PNPT1: variants seen among roughly 807,000 people sequenced by gnomAD.
The protein encoded by PNPT1 is polyribonucleotide nucleotidyltransferase 1.
A neutral mutation model predicts 119.5 loss-of-function variants in PNPT1; 53 were observed. That is an observed-to-expected ratio of 0.44 (90% CI 0.36 to 0.56). PNPT1 has a LOEUF of 0.56. Ranked by LOEUF, PNPT1 falls within the 20% of genes least tolerant of loss-of-function variation. PNPT1 has a pLI of 0.00. For synonymous variants in PNPT1, 357 were observed against 322.1 expected (o/e 1.11, Z -1.16); for missense variants, 948 against 938.5 (o/e 1.01, Z -0.13).
intron 3 of PNPT1, among the ~76,000 whole-genome samples, chr2:55,685,328 C>A (rs549039828): frequency 1.5e-4 from 23 of 152,278 alleles, no homozygotes; most frequent in African/African-American, 5.5e-4. Context: ...GGTTTTAGAA[C>A]TGCCTGGGTA....
At chr2:55,644,882 T>A in intron 22 of PNPT1, 162 bp from the exon 23 acceptor site, 1 of 473,838 alleles carries the variant, frequency 2.1e-6, no homozygotes, top group Non-Finnish European at 3.7e-6. Context: ...TGAAAACTGT[T>A]AAAGAATATT....
chr2:55,676,262 C>CAAAAAAAAAA (rs11400030), intron 8 of PNPT1, among the ~76,000 whole-genome samples: 4 of 82,844 alleles, frequency 4.8e-5, no homozygotes, highest in Non-Finnish European at 4.3e-5. Flanking sequence ...CCATCTCAAC[C>CAAAAAAAAAA]AAAAAAAAAA....
Position 55,647,426 on chromosome 2 carries a change from C to A in PNPT1, c.1523G>T (p.Gly508Val). The change falls in exon 19 of 28, where the codon GGC becomes GTC. Residue 508 changes from glycine to valine, a missense_variant. Physicochemically the swap from Gly to Val is moderately radical, Grantham distance 109. Coordinates refer to ENST00000447944, the MANE Select transcript of PNPT1 (RefSeq NM_033109.5). ...SGVPISSAVA[G>V]VAIGLVTKTD... ...TTTGGTGACCAATCCTATTGCTACG[C>A]CTGCAACAGCAGATGAAATTGGAAC... 2 of 1,608,596 alleles carry A rather than the reference C, an allele frequency of 1.2e-6. No individual in the cohort carries two copies. Among genetic ancestry groups the A allele is most frequent in the Non-Finnish European group, 1.7e-6 (2 of 1,176,538 alleles).
At chr2:55,641,680 T>C (rs954503957) in intron 25 of PNPT1, among the ~76,000 whole-genome samples, 2 of 152,206 alleles carry the variant, frequency 1.3e-5, no homozygotes, top group Admixed American at 6.5e-5. Context: ...ATTTTTCACC[T>C]GCAATATTAA....
At chr2:55,667,995 CT>C (rs897349435) in intron 11 of PNPT1, 37 bp from the exon 12 acceptor site, 2 of 1,525,996 alleles carry the variant, frequency 1.3e-6, no homozygotes, top group Non-Finnish European at 1.8e-6. Flanking sequence ...AAGATTTTTA[CT>C]TTTTTAGGAG....
intron 8 of PNPT1, among the ~76,000 whole-genome samples, chr2:55,674,186 A>T (rs1366031548): frequency 1.3e-5 from 2 of 152,254 alleles, no homozygotes; most frequent in Non-Finnish European, 2.9e-5. Flanking sequence ...GAATAATAGA[A>T]TTTTTTCTAT....
intron 25 of PNPT1, among the ~76,000 whole-genome samples, chr2:55,642,934 T>G (rs1010816761): frequency 6.6e-6 from 1 of 152,024 alleles, no homozygotes; most frequent in African/African-American, 2.4e-5. Context: ...CTGGGCAACA[T>G]AGTGAGACCA....
chr2:55,681,069 G>C (rs573347655), intron 5 of PNPT1, 151 bp from the exon 6 acceptor site: 8 of 652,558 alleles, frequency 1.2e-5, no homozygotes, highest in African/African-American at 1.8e-5. Flanking sequence ...CTTGACATTG[G>C]ATAAATTACT....
intron 15 of PNPT1, among the ~76,000 whole-genome samples, chr2:55,657,545 G>A (rs1255068292): frequency 6.6e-6 from 1 of 151,316 alleles, no homozygotes; most frequent in African/African-American, 2.4e-5. Context: ...GCACCACCAT[G>A]CCCAGCTAAT....
At chr2:55,683,070 A>T (rs1697297469) in intron 5 of PNPT1, among the ~76,000 whole-genome samples, 1 of 152,226 alleles carries the variant, frequency 6.6e-6, no homozygotes, top group Admixed American at 6.5e-5. Context: ...GTATTAAAAT[A>T]TAATAAAGTA....
chr2:55,677,242 A>T (rs1022009741), intron 8 of PNPT1, among the ~76,000 whole-genome samples: 2 of 152,242 alleles, frequency 1.3e-5, no homozygotes, highest in Non-Finnish European at 2.9e-5. Flanking sequence ...ACAGGTGAGA[A>T]GAGCCAGCTG....
chr2:55,658,516 C>T (rs954943008), intron 15 of PNPT1, among the ~76,000 whole-genome samples: 3 of 152,138 alleles, frequency 2.0e-5, no homozygotes, highest in Non-Finnish European at 4.4e-5. Flanking sequence ...ATACAGTTTT[C>T]AGTACCTATG....
rs1697225744 is a variant in PNPT1, at chr2:55,680,843, T to C, written c.517+12A>G. ...TTAATCTGATAATTTTAATCTCTACTTTTATACTTACCGCCATTAATTGCT... is the reference window on the plus strand; with the variant it reads ...TTAATCTGATAATTTTAATCTCTACCTTTATACTTACCGCCATTAATTGCT... On this transcript the variant is annotated intron_variant, in intron 6 of 27. Coordinates refer to ENST00000447944, the MANE Select transcript of PNPT1 (RefSeq NM_033109.5). The C allele has an allele frequency of 6.2e-7, 1 of 1,613,290 alleles. No individual in the cohort carries two copies. The highest frequency in any genetic ancestry group is 1.7e-5 in the Admixed American group (1 of 60,002).
intron 1 of PNPT1, 30 bp from the exon 2 acceptor site, chr2:55,687,735 A>T: frequency 6.6e-7 from 1 of 1,511,156 alleles, no homozygotes; most frequent in Non-Finnish European, 9.0e-7. Context: ...CAATACAAGA[A>T]GACTTAGGTC....
chr2:55,649,274 A>AT (rs1160441841), intron 18 of PNPT1, among the ~76,000 whole-genome samples: 1 of 152,186 alleles, frequency 6.6e-6, no homozygotes, highest in Non-Finnish European at 1.5e-5. Flanking sequence ...CCTCATCTCT[A>AT]TAAATAATAA....
At chr2:55,646,824 A>C (rs1008561994) in intron 19 of PNPT1, among the ~76,000 whole-genome samples, 8 of 152,076 alleles carry the variant, frequency 5.3e-5, no homozygotes, top group African/African-American at 1.7e-4. Context: ...TTTTTAAAGT[A>C]ATCATTTTAT....
At position 55,673,095 on chromosome 2, in the gene PNPT1, A is replaced by G. The variant is rs1165984208; in HGVS notation, c.680-16T>C. ...TCCAACATGACTATTTAAAGGAAAA[A>G]GAAAAAAAAAATGACTGCCATCGAA... On this transcript the variant is annotated splice_polypyrimidine_tract_variant and intron_variant, in intron 8 of 27. Coordinates refer to ENST00000447944, the MANE Select transcript of PNPT1 (RefSeq NM_033109.5). 1 of 1,532,388 alleles carries G rather than the reference A, an allele frequency of 6.5e-7. No individual in the cohort carries two copies. 94.9% of individuals were successfully genotyped at this position (1,532,388 alleles called of 1,614,324 possible).
At chr2:55,667,178 A>C (rs1572818600) in intron 12 of PNPT1, 85 bp from the exon 13 acceptor site, 1 of 985,032 alleles carries the variant, frequency 1.0e-6, no homozygotes, top group Admixed American at 2.1e-5. Flanking sequence ...GAAGTTCTCA[A>C]CCTCAGTTGT....
At chr2:55,650,911 C>A (rs1283838251) in intron 18 of PNPT1, among the ~76,000 whole-genome samples, 1 of 150,242 alleles carries the variant, frequency 6.7e-6, no homozygotes, top group East Asian at 2.0e-4. Context: ...GGTCAGCCCC[C>A]CGCCCGGCCA....
Sources: gnomAD v4.1 joint callset for allele counts (sites outside exome capture counted in the v4.1 genomes callset) on GRCh38, gnomAD v4.1.1 for gene constraint, MANE v1.5 for transcripts, NCBI Gene and HGNC (gene_info 2026-07-23, HGNC 2026-07-21) for gene names.